The following LRRC7 variants were observed in gnomAD, a reference collection of about 807,000 sequenced individuals.
The protein encoded by LRRC7 is leucine rich repeat containing 7, also known as leucine-rich repeat-containing protein 7.
LRRC7 carries 23 observed loss-of-function variants against 175.7 expected under a neutral mutation model. The ratio of observed to expected loss-of-function variants is 0.13; its 90% confidence interval spans 0.09 to 0.19. The LOEUF (loss-of-function observed/expected upper bound fraction) is 0.19. LRRC7 is among the 10% of genes least tolerant of loss of function. The pLI is 1.00. For synonymous variants in LRRC7, 685 were observed against 680.9 expected (o/e 1.01, Z -0.09); for missense variants, 1,354 against 1,904.7 (o/e 0.71, Z 5.38).
At chr1:69,830,177 T>C (rs568978195) in intron 5 of LRRC7, among the ~76,000 whole-genome samples, 33 of 151,944 alleles carry the variant, frequency 2.2e-4, no homozygotes. Flanking sequence ...TTTTATTTGC[T>C]GTAGGATACA....
intron 1 of LRRC7, among the ~76,000 whole-genome samples, chr1:69,635,683 A>G (rs1400013167): frequency 6.6e-6 from 1 of 152,098 alleles, no homozygotes; most frequent in African/African-American, 2.4e-5. Context: ...AAATAATAAC[A>G]ATTTAGAACA....
intron 7 of LRRC7, among the ~76,000 whole-genome samples, chr1:69,927,165 G>T (rs1242073401): frequency 6.6e-6 from 1 of 152,208 alleles, no homozygotes; most frequent in African/African-American, 2.4e-5. Context: ...TAAAGTTTCT[G>T]CCAAGAGATC....
chr1:69,780,107 A>T (rs1461105535), intron 3 of LRRC7, among the ~76,000 whole-genome samples: 1 of 152,176 alleles, frequency 6.6e-6, no homozygotes, highest in African/African-American at 2.4e-5. Flanking sequence ...CTGTCTGTTC[A>T]TAGGTGCCAA....
chr1:69,731,250 C>T (rs1355166515), intron 2 of LRRC7, among the ~76,000 whole-genome samples: 1 of 152,016 alleles, frequency 6.6e-6, no homozygotes, highest in African/African-American at 2.4e-5. Flanking sequence ...TGCAGTGAGC[C>T]AAGATCACGC....
chr1:69,860,737 G>A (rs903472631), intron 7 of LRRC7, among the ~76,000 whole-genome samples: 13 of 151,750 alleles, frequency 8.6e-5, no homozygotes, highest in Admixed American at 5.9e-4. Flanking sequence ...TTACAAGAAA[G>A]GCATATGCTT....
At chr1:69,605,173 G>T (rs545789294) in intron 1 of LRRC7, among the ~76,000 whole-genome samples, 2 of 152,104 alleles carry the variant, frequency 1.3e-5, no homozygotes, top group Non-Finnish European at 2.9e-5. Flanking sequence ...TGCTGTTCTC[G>T]TGATAGTGAA....
At chr1:69,746,800 C>T (rs1392175407) in intron 2 of LRRC7, among the ~76,000 whole-genome samples, 5 of 152,008 alleles carry the variant, frequency 3.3e-5, no homozygotes, top group East Asian at 1.9e-4. Flanking sequence ...AGACAGGTGT[C>T]GTATTAATTT....
intron 11 of LRRC7, among the ~76,000 whole-genome samples, chr1:70,003,270 G>T (rs957975151): frequency 6.6e-6 from 1 of 152,004 alleles, no homozygotes; most frequent in Non-Finnish European, 1.5e-5. Flanking sequence ...CCTCCCTAAG[G>T]CCCCATCTCC....
chr1:70,063,247 A>G (rs1175552751), intron 23 of LRRC7, among the ~76,000 whole-genome samples: 2 of 152,258 alleles, frequency 1.3e-5, no homozygotes, highest in Non-Finnish European at 2.9e-5. Context: ...AGATTAAAGT[A>G]CTTACTCCAT....
chr1:70,107,742 T>G lies in LRRC7; in HGVS notation c.4546-10T>G, dbSNP rs1558074701. The G allele has an allele frequency of 6.2e-7, 1 of 1,610,944 alleles. No homozygotes were observed. The highest frequency in any genetic ancestry group is 8.5e-7 in the Non-Finnish European group (1 of 1,177,406). On this transcript the variant is annotated splice_polypyrimidine_tract_variant and intron_variant, in intron 25 of 26. Coordinates refer to ENST00000651989, the MANE Select transcript of LRRC7 (RefSeq NM_001370785.2). The stretch of plus-strand genomic sequence containing the variant: ...ATAGAATCCTAACCTCTGTTACTTC[T>G]GACTTATAGGGTATCTTTGTTACTA...
intron 23 of LRRC7, among the ~76,000 whole-genome samples, chr1:70,070,408 A>G (rs1386044968): frequency 3.3e-5 from 5 of 152,194 alleles, no homozygotes; most frequent in African/African-American, 9.7e-5. Context: ...TAAAAGTATG[A>G]TAATTCTAAC....
Position 69,792,169 on chromosome 1 carries a change from T to G in LRRC7, c.421+9T>G. 3 of 1,466,656 alleles carry G rather than the reference T, an allele frequency of 2.0e-6. No individual in the cohort carries two copies. Among genetic ancestry groups the G allele is most frequent in the Non-Finnish European group, 2.8e-6 (3 of 1,056,094 alleles). The allele number at this position is 1,466,656 out of a possible 1,614,324, so 90.9% of individuals were successfully genotyped here. A position where few individuals can be genotyped will look rare whatever the true frequency, so the allele number is the denominator to read the frequency against. ...CGACATCAGTAAAAATGGTAAGATTTTTCTCTCATCATAAAATACCTAGAA... is the reference window on the plus strand; with the variant it reads ...CGACATCAGTAAAAATGGTAAGATTGTTCTCTCATCATAAAATACCTAGAA... On this transcript the variant is annotated intron_variant, in intron 4 of 26. Coordinates refer to ENST00000651989, the MANE Select transcript of LRRC7 (RefSeq NM_001370785.2).
rs764971514 is a variant in LRRC7 at position 70,039,123 on chromosome 1, C to T, written c.3299C>T (p.Ala1100Val). The change falls in exon 21 of 27, where the codon GCC (alanine) becomes GTC (valine). Residue 1100 changes from alanine (A) to valine (V), a missense_variant. Around this residue, in one of 4 missense-constraint regions of LRRC7, gnomAD observed 1,032 missense variants for 1,227.2 expected, o/e 0.84. Coordinates refer to ENST00000651989, the MANE Select transcript of LRRC7 (RefSeq NM_001370785.2). ...FQHNPEYVQQ[A>V]SKNIAKDLIS... ...CACAATCCCGAGTACGTGCAACAGG[C>T]CAGCAAAAACATCGCCAAGGATTTG... 1 of 1,614,088 alleles carries T rather than the reference C, an allele frequency of 6.2e-7. No homozygotes were observed. The highest frequency in any genetic ancestry group is 1.1e-5 in the South Asian group (1 of 91,074).
At chr1:70,108,146 G>C (rs1284491992) in intron 26 of LRRC7, among the ~76,000 whole-genome samples, 3 of 151,034 alleles carry the variant, frequency 2.0e-5, no homozygotes, top group African/African-American at 7.3e-5. Flanking sequence ...TCAAGTAAGA[G>C]TAAGTTCCCA....
chr1:70,008,268 C>G (rs1472267024), intron 11 of LRRC7, among the ~76,000 whole-genome samples: 2 of 152,164 alleles, frequency 1.3e-5, no homozygotes, highest in Admixed American at 1.3e-4. Flanking sequence ...AGATTGTTCC[C>G]ACCAGATTAA....
intron 7 of LRRC7, among the ~76,000 whole-genome samples, chr1:69,906,356 T>A (rs1368059928): frequency 1.3e-5 from 2 of 152,198 alleles, no homozygotes; most frequent in East Asian, 1.9e-4. Flanking sequence ...CTGAATAGTA[T>A]TGCCTAGGTT....
chr1:69,905,137 G>A (rs930844974), intron 7 of LRRC7, among the ~76,000 whole-genome samples: 1 of 152,024 alleles, frequency 6.6e-6, no homozygotes, highest in African/African-American at 2.4e-5. Context: ...TGTGAATAGT[G>A]CTGTGATGAA....
At chr1:69,860,223 T>C (rs1684210035) in intron 7 of LRRC7, among the ~76,000 whole-genome samples, 1 of 152,044 alleles carries the variant, frequency 6.6e-6, no homozygotes, top group Non-Finnish European at 1.5e-5. Context: ...TTTGGATCTT[T>C]TTTTTCCATG....
chr1:69,672,840 T>G (rs193194064), intron 1 of LRRC7, among the ~76,000 whole-genome samples: 158 of 152,296 alleles, frequency 1.0e-3, no homozygotes, highest in African/African-American at 3.6e-3. Context: ...ATCATTTCAC[T>G]ATTGAGATTA....
Sources: gnomAD v4.1 joint callset for allele counts (sites outside exome capture counted in the v4.1 genomes callset) on GRCh38, gnomAD v4.1.1 for gene constraint, gnomAD v4.1.1 regional missense constraint, MANE v1.5 for transcripts, NCBI Gene and HGNC (gene_info 2026-07-23, HGNC 2026-07-21) for gene names.